The following MTUS1 variants were observed in gnomAD, a reference collection of about 807,000 sequenced individuals.
The protein encoded by MTUS1 is microtubule associated scaffold protein 1.
MTUS1 carries 109 observed loss-of-function variants against 120.8 expected under a neutral mutation model. That is an observed-to-expected ratio of 0.90 (90% CI 0.77 to 1.06). The LOEUF (loss-of-function observed/expected upper bound fraction) is 1.06. MTUS1 is among the 50% of genes least tolerant of loss of function. MTUS1 has a pLI of 0.00. For synonymous variants in MTUS1, 737 were observed against 550.5 expected, an observed-to-expected ratio of 1.34 and a Z score of -4.74; for missense variants, 2,210 against 1,486.3, an observed-to-expected ratio of 1.49 and a Z score of -8.01.
Position 17,768,151 on chromosome 8 carries a change from G to A in MTUS1, c.-154-12190C>T, listed in dbSNP as rs192609310. ...AAGGAAGCCACAGCAGATAGTATCA[G>A]AGAGCTGTATAAATAATGTATCACA... is the stretch of plus-strand genomic sequence containing the variant. On this transcript the variant is annotated intron_variant, in intron 1 of 14. Coordinates refer to ENST00000693296, the MANE Select transcript of MTUS1 (RefSeq NM_001363059.2). Among the ~76,000 whole-genome samples the A allele has an allele frequency of 9.6e-4, 146 of 152,344 alleles. 2 individuals carry two copies. Among genetic ancestry groups the A allele is most frequent in the African/African-American group, 3.4e-3 (143 of 41,568 alleles).
intron 10 of MTUS1, 87 bp from the exon 11 acceptor site, chr8:17,653,585 G>T: frequency 1.1e-6 from 1 of 931,026 alleles, no homozygotes; most frequent in South Asian, 1.6e-5. Context: ...AGATGTAGGG[G>T]TTGATGATGA....
At chr8:17,750,090 CTTCT>C (rs1362641872) in intron 2 of MTUS1, among the ~76,000 whole-genome samples, 4 of 152,206 alleles carry the variant, frequency 2.6e-5, no homozygotes, top group East Asian at 1.9e-4. Flanking sequence ...TGTCATCACT[CTTCT>C]TTCTTTAATA....
chr8:17,685,769 T>C (rs1276091440), intron 6 of MTUS1, among the ~76,000 whole-genome samples: 1 of 152,226 alleles, frequency 6.6e-6, no homozygotes, highest in African/African-American at 2.4e-5. Context: ...TACTTGATAA[T>C]TCTCAGTTCT....
intron 3 of MTUS1, among the ~76,000 whole-genome samples, chr8:17,737,269 G>C (rs144418726): frequency 2.0e-5 from 3 of 152,132 alleles, no homozygotes; most frequent in East Asian, 3.9e-4. Flanking sequence ...CTCATCTGTA[G>C]AATGGCGATT....
At chr8:17,738,192 A>T (rs778146064) in intron 3 of MTUS1, among the ~76,000 whole-genome samples, 46 of 152,212 alleles carry the variant, frequency 3.0e-4, no homozygotes, top group Non-Finnish European at 1.0e-4. Context: ...CATCTCTTTC[A>T]GGAGGCCTTT....
chr8:17,712,872 C>T (rs904684773), intron 6 of MTUS1, among the ~76,000 whole-genome samples: 6 of 151,336 alleles, frequency 4.0e-5, no homozygotes, highest in Non-Finnish European at 8.8e-5. Flanking sequence ...GGTGCTAAAA[C>T]CAAATATTGA....
At chr8:17,657,214 A>C (rs1318794097) in intron 8 of MTUS1, among the ~76,000 whole-genome samples, 5 of 151,998 alleles carry the variant, frequency 3.3e-5, no homozygotes, top group African/African-American at 1.2e-4. Context: ...GGAAAAAAAA[A>C]CACATCTTAA....
chr8:17,693,748 CATT>C (rs1188904357), intron 6 of MTUS1, among the ~76,000 whole-genome samples: 6 of 152,208 alleles, frequency 3.9e-5, no homozygotes, highest in African/African-American at 1.4e-4. Context: ...CCACACCCTG[CATT>C]ATTAACTGGT....
chr8:17,765,695 C>CACACAT, intron 1 of MTUS1, among the ~76,000 whole-genome samples: 1 of 149,878 alleles, frequency 6.7e-6, no homozygotes, highest in Middle Eastern at 3.5e-3. Flanking sequence ...CACACACACA[C>CACACAT]ACACACACAC....
intron 3 of MTUS1, among the ~76,000 whole-genome samples, chr8:17,727,226 G>C (rs1331773447): frequency 6.6e-6 from 1 of 152,178 alleles, no homozygotes; most frequent in Non-Finnish European, 1.5e-5. Flanking sequence ...TTCTTTGATA[G>C]AATAATCCTA....
chr8:17,650,050 A>G (rs1010162936), intron 12 of MTUS1, 88 bp from the exon 13 acceptor site: 24 of 787,806 alleles, frequency 3.0e-5, no homozygotes, highest in Non-Finnish European at 5.4e-5. Flanking sequence ...GAGACATTAG[A>G]CAAGTAGCAA....
At chr8:17,666,539 G>C (rs533378730) in intron 8 of MTUS1, among the ~76,000 whole-genome samples, 2 of 152,254 alleles carry the variant, frequency 1.3e-5, no homozygotes, top group South Asian at 4.2e-4. Flanking sequence ...CAGTGTCAAA[G>C]GGTAGTCCTG....
intron 8 of MTUS1, among the ~76,000 whole-genome samples, chr8:17,672,973 A>C (rs73668814): frequency 0.041 from 6,253 of 152,324 alleles, 430 homozygotes; most frequent in African/African-American, 0.14. Context: ...GAATGGGCAC[A>C]GTGTTCCATT....
intron 1 of MTUS1, among the ~76,000 whole-genome samples, chr8:17,772,311 A>G (rs908620256): frequency 1.3e-5 from 2 of 152,208 alleles, no homozygotes; most frequent in East Asian, 1.9e-4. Context: ...CCATTATACT[A>G]TATTAAATAC....
At chr8:17,666,757 C>T (rs1226306408) in intron 8 of MTUS1, among the ~76,000 whole-genome samples, 4 of 152,200 alleles carry the variant, frequency 2.6e-5, no homozygotes, top group Non-Finnish European at 5.9e-5. Context: ...TCCCCATCAA[C>T]ACAACATCTT....
intron 4 of MTUS1, among the ~76,000 whole-genome samples, chr8:17,719,338 C>T (rs1585931302): frequency 1.3e-5 from 2 of 152,136 alleles, no homozygotes; most frequent in South Asian, 4.1e-4. Flanking sequence ...TTTAACACTC[C>T]CCACTGTGCC....
chr8:17,678,748 C>CA (rs35213322), intron 7 of MTUS1, among the ~76,000 whole-genome samples: 3,681 of 133,004 alleles, frequency 0.028, 150 homozygotes, highest in African/African-American at 0.089. Context: ...ATTCCACTTG[C>CA]AAAAAAAAAA....
At chr8:17,679,303 G>A (rs886486218) in intron 7 of MTUS1, among the ~76,000 whole-genome samples, 3 of 148,184 alleles carry the variant, frequency 2.0e-5, no homozygotes, top group Admixed American at 6.9e-5. Flanking sequence ...TAATGTATAT[G>A]TATACAATGT....
intron 1 of MTUS1, among the ~76,000 whole-genome samples, chr8:17,799,017 A>ATT (rs34607430): frequency 0.05 from 7,421 of 149,320 alleles, 456 homozygotes; most frequent in African/African-American, 0.14. Flanking sequence ...CCTGGGAAGA[A>ATT]TTTTTTTTTT....
Sources: gnomAD v4.1 joint callset for allele counts (sites outside exome capture counted in the v4.1 genomes callset) on GRCh38, gnomAD v4.1.1 for gene constraint, MANE v1.5 for transcripts, NCBI Gene and HGNC (gene_info 2026-07-23, HGNC 2026-07-21) for gene names.